Variants in MAN1A2 observed in about 807,000 individuals in gnomAD.
MAN1A2 encodes mannosidase alpha class 1A member 2.
MAN1A2 carries 26 observed loss-of-function variants against 75.7 expected under a neutral mutation model. That is an observed-to-expected ratio of 0.34 (90% CI 0.25 to 0.48). MAN1A2 has a LOEUF of 0.48. MAN1A2 is among the 20% of genes least tolerant of loss of function. The pLI, the probability that MAN1A2 is intolerant of heterozygous loss-of-function variation, is 0.99. For synonymous variants in MAN1A2, 247 were observed against 264.6 expected, an observed-to-expected ratio of 0.93 and a Z score of 0.65; for missense variants, 562 against 775.5, an observed-to-expected ratio of 0.72 and a Z score of 3.27.
chr1:117,417,557 A>ATATATATATATATATG (rs1214425551), intron 4 of MAN1A2, among the ~76,000 whole-genome samples: 1 of 140,746 alleles, frequency 7.1e-6, no homozygotes, highest in African/African-American at 2.6e-5. Flanking sequence ...ATATATATAT[A>ATATATATATATATATG]TGTGATATAT....
intron 1 of MAN1A2, among the ~76,000 whole-genome samples, chr1:117,391,774 ATC>A (rs1443917226): frequency 1.3e-5 from 2 of 152,050 alleles, no homozygotes; most frequent in African/African-American, 4.8e-5. Context: ...ATACACATTC[ATC>A]TCTTTCTCAC....
chr1:117,390,931 C>T (rs1039346128), intron 1 of MAN1A2, among the ~76,000 whole-genome samples: 11 of 152,036 alleles, frequency 7.2e-5, no homozygotes, highest in African/African-American at 2.7e-4. Flanking sequence ...ATTCACATAC[C>T]ATACCATCCA....
intron 6 of MAN1A2, among the ~76,000 whole-genome samples, chr1:117,454,497 T>C (rs1649518307): frequency 6.6e-6 from 1 of 152,164 alleles, no homozygotes; most frequent in South Asian, 2.1e-4. Flanking sequence ...AAAAAGTCGA[T>C]CTCAAATTCT....
intron 5 of MAN1A2, among the ~76,000 whole-genome samples, chr1:117,434,017 TCAGA>T (rs1365099983): frequency 6.6e-6 from 1 of 152,210 alleles, no homozygotes; most frequent in Non-Finnish European, 1.5e-5. Flanking sequence ...TTCTTGTTTG[TCAGA>T]CAGATAGAAT....
Position 117,527,864 on chromosome 1 carries a change from T to C in MAN1A2, c.*4907T>C, listed in dbSNP as rs1652068056. ...CAGAAAGCAAACTTTTGAAGAATTC[T>C]AAGCAACAGAAAATGGGTTATGTGA... On this transcript the variant is annotated 3_prime_UTR_variant, in exon 13 of 13. Transcript: ENST00000356554. 2 of 152,048 alleles carry C rather than the reference T, an allele frequency of 1.3e-5. No individual in the cohort carries two copies. The highest frequency in any genetic ancestry group is 4.1e-4 in the South Asian group (2 of 4,834). The allele number at this position is 152,048 out of a possible 1,614,324, so 9.4% of individuals were successfully genotyped here.
chr1:117,477,005 C>T (rs143963300), intron 8 of MAN1A2, among the ~76,000 whole-genome samples: 7 of 152,084 alleles, frequency 4.6e-5, no homozygotes, highest in East Asian at 1.9e-4. Context: ...GAATGTTTTT[C>T]GATTTGTTCG....
At chr1:117,493,431 G>T in intron 9 of MAN1A2, 169 bp downstream of exon 9, 2 of 458,808 alleles carry the variant, frequency 4.4e-6, no homozygotes, top group Non-Finnish European at 7.7e-6. Context: ...TAATAGAAAA[G>T]CCTCATATTA....
At chr1:117,422,514 T>C (rs1030574166) in intron 5 of MAN1A2, among the ~76,000 whole-genome samples, 4 of 152,108 alleles carry the variant, frequency 2.6e-5, no homozygotes, top group African/African-American at 9.7e-5. Context: ...GTTAAGTGTA[T>C]ATTTAACTTT....
At chr1:117,459,819 A>G (rs553101051) in intron 6 of MAN1A2, among the ~76,000 whole-genome samples, 50 of 152,310 alleles carry the variant, frequency 3.3e-4, no homozygotes, top group Middle Eastern at 6.8e-3. Context: ...AATTGTGTAT[A>G]TTTATGTAAT....
chr1:117,373,952 G>C (rs1332151999), intron 1 of MAN1A2, among the ~76,000 whole-genome samples: 1 of 152,004 alleles, frequency 6.6e-6, no homozygotes, highest in African/African-American at 2.4e-5. Flanking sequence ...TATTAGAGGA[G>C]GAAAGAAACA....
At position 117,420,484 on chromosome 1, in the gene MAN1A2, G is replaced by A. The variant is rs535995547; in HGVS notation, c.775-85G>A. The A allele has an allele frequency of 1.2e-5, 11 of 953,324 alleles. 1 individual carries two copies. In the South Asian group the frequency reaches 1.5e-4, roughly 13 times the overall value. 59.1% of individuals were successfully genotyped at this position (953,324 alleles called of 1,614,324 possible). On this transcript the variant is annotated intron_variant, in intron 4 of 12. Transcript: ENST00000356554. ...GAAAAATATTTTCCACAGGGTGTTT[G>A]TGAAAAACAAATGAAGTATTGATAA...
chr1:117,395,118 A>G (rs186883897), intron 1 of MAN1A2, among the ~76,000 whole-genome samples: 13 of 152,344 alleles, frequency 8.5e-5, no homozygotes, highest in African/African-American at 3.1e-4. Flanking sequence ...GACAGTTTCA[A>G]TAAGAGAGGC....
intron 5 of MAN1A2, among the ~76,000 whole-genome samples, chr1:117,441,038 G>C (rs1265865718): frequency 6.6e-6 from 1 of 152,096 alleles, no homozygotes; most frequent in African/African-American, 2.4e-5. Context: ...TGTTAAAGTA[G>C]ATATTGAAGG....
At chr1:117,403,482 A>G (rs145566479) in intron 2 of MAN1A2, among the ~76,000 whole-genome samples, 1 of 152,276 alleles carries the variant, frequency 6.6e-6, no homozygotes, top group Non-Finnish European at 1.5e-5. Flanking sequence ...ATGTACTGAA[A>G]TACTTTTTTC....
At chr1:117,510,392 C>T (rs1350023003) in intron 12 of MAN1A2, among the ~76,000 whole-genome samples, 3 of 152,020 alleles carry the variant, frequency 2.0e-5, no homozygotes, top group African/African-American at 4.8e-5. Flanking sequence ...CATTTAGGCA[C>T]TACCTGATAA....
chr1:117,491,974 TA>T (rs1650895388), intron 8 of MAN1A2, among the ~76,000 whole-genome samples: 1 of 152,082 alleles, frequency 6.6e-6, no homozygotes, highest in Admixed American at 6.6e-5. Flanking sequence ...AGTTGCTTCT[TA>T]ACAGATGAGC....
At chr1:117,494,032 T>C (rs1178283620) in intron 9 of MAN1A2, 1 of 152,042 alleles carries the variant, frequency 6.6e-6, no homozygotes, top group East Asian at 1.9e-4. Context: ...CTTACATATA[T>C]GAGATCATTT....
At chr1:117,394,594 T>C (rs1653848224) in intron 1 of MAN1A2, among the ~76,000 whole-genome samples, 1 of 152,228 alleles carries the variant, frequency 6.6e-6, no homozygotes, top group Admixed American at 6.5e-5. Context: ...CTGTTTCTAC[T>C]GAATGAGTGT....
intron 7 of MAN1A2, among the ~76,000 whole-genome samples, chr1:117,465,325 T>C (rs954989828): frequency 1.2e-4 from 19 of 152,202 alleles, no homozygotes; most frequent in Non-Finnish European, 2.6e-4. Context: ...TCACCTTTTA[T>C]AACATCATTC....
Sources: gnomAD v4.1 joint callset for allele counts (sites outside exome capture counted in the v4.1 genomes callset) on GRCh38, gnomAD v4.1.1 for gene constraint, MANE v1.5 for transcripts, NCBI Gene and HGNC (gene_info 2026-07-23, HGNC 2026-07-21) for gene names.